PCLO: variants seen among roughly 807,000 people sequenced by gnomAD.
PCLO encodes protein piccolo.
Under a neutral mutation model 427.5 loss-of-function variants are expected in PCLO, and 82 were observed. The observed-to-expected ratio is 0.19, with a 90% CI of 0.16 to 0.23. The LOEUF (loss-of-function observed/expected upper bound fraction) is 0.23, where lower values mean the gene tolerates loss of function less well. PCLO is among the 10% of genes least tolerant of loss of function. The probability of loss-of-function intolerance (pLI) is 1.00; values close to 1 mark genes in which losing one functional copy is unlikely to be tolerated. For missense variants in PCLO, 6,239 were observed against 6,115.9 expected, an observed-to-expected ratio of 1.02 and a Z score of -0.67; for synonymous variants, 2,357 against 2,155.4, an observed-to-expected ratio of 1.09 and a Z score of -2.59.
intron 3 of PCLO, among the ~76,000 whole-genome samples, chr7:82,986,441 G>C (rs963900764): frequency 1.3e-5 from 2 of 151,886 alleles, no homozygotes; most frequent in Admixed American, 6.6e-5. Context: ...CTTAGAGACT[G>C]AACTATATTT....
intron 3 of PCLO, among the ~76,000 whole-genome samples, chr7:83,010,763 T>A (rs943642892): frequency 6.6e-6 from 1 of 151,838 alleles, no homozygotes. Context: ...AATATAATCA[T>A]GTCACTCTCC....
chr7:82,828,873 C>T (rs1428544849), intron 16 of PCLO, among the ~76,000 whole-genome samples: 1 of 152,132 alleles, frequency 6.6e-6, no homozygotes, highest in South Asian at 2.1e-4. Context: ...AATAATACTT[C>T]ATCTGTGGTG....
intron 22 of PCLO, among the ~76,000 whole-genome samples, chr7:82,774,490 T>A (rs1336518754): frequency 6.6e-6 from 1 of 152,236 alleles, no homozygotes; most frequent in Non-Finnish European, 1.5e-5. Context: ...TAGACTAGAT[T>A]CTGCTGCAGC....
chr7:83,114,886 T>C (rs1269156524), intron 3 of PCLO, among the ~76,000 whole-genome samples: 5 of 152,074 alleles, frequency 3.3e-5, no homozygotes, highest in African/African-American at 4.8e-5. Context: ...CAGCTGACAC[T>C]ATTCACTTCT....
Position 82,976,917 on chromosome 7 carries a change from A to T in PCLO, c.3301-10430T>A, listed in dbSNP as rs552862540. On this transcript the variant is annotated intron_variant, in intron 3 of 24. Coordinates refer to ENST00000333891, the MANE Select transcript of PCLO (RefSeq NM_033026.6). Reference sequence around the variant, plus strand: ...TTTTTATCATTTTTGTAGAGATAGGATCTCGCTACGTTGCCTGGTCTCAAA... The same window carrying T: ...TTTTTATCATTTTTGTAGAGATAGGTTCTCGCTACGTTGCCTGGTCTCAAA... Among the ~76,000 whole-genome samples, 8 of 152,256 alleles carry T rather than the reference A, an allele frequency of 5.3e-5. No homozygotes were observed. In the South Asian group the frequency reaches 1.7e-3, roughly 32 times the overall value.
At chr7:83,141,397 G>C (rs949731510) in intron 2 of PCLO, among the ~76,000 whole-genome samples, 1 of 152,216 alleles carries the variant, frequency 6.6e-6, no homozygotes, top group South Asian at 2.1e-4. Context: ...TACAGAAGGT[G>C]CATAAATGAA....
intron 20 of PCLO, among the ~76,000 whole-genome samples, chr7:82,807,216 T>A (rs2129468860): frequency 6.7e-6 from 1 of 150,058 alleles, no homozygotes; most frequent in Non-Finnish European, 1.5e-5. Flanking sequence ...AACAGCTGTT[T>A]CTTACTGTCT....
chr7:83,057,189 T>C (rs931549158), intron 3 of PCLO, among the ~76,000 whole-genome samples: 8 of 147,608 alleles, frequency 5.4e-5, no homozygotes, highest in African/African-American at 2.0e-4. Context: ...GTTCAAGAGA[T>C]TCTTGTGCCT....
In PCLO at chr7:82,956,332, A is replaced by G; in HGVS notation, c.4621T>C (p.Tyr1541His). 1 of 1,612,836 alleles carries G rather than the reference A, an allele frequency of 6.2e-7. No individual in the cohort carries two copies. Among genetic ancestry groups the G allele is most frequent in the Non-Finnish European group, 8.5e-7 (1 of 1,179,682 alleles). Residue 1541 changes from tyrosine (Y) to histidine (H), a missense_variant, in exon 5 of 25, where the codon TAT becomes CAT. Physicochemically the swap from Tyr to His is moderately conservative, Grantham distance 83 (BLOSUM62 2). Around this residue, in one of 5 missense-constraint regions of PCLO, gnomAD observed 4,677 missense variants for 4,468.4 expected, o/e 1.05. Transcript: ENST00000333891. ...GATCCTTGGCTGTCTTCCTGTTTATACTCATCACTGCTTGATGAGCCAACA... is the reference window on the plus strand; with the variant it reads ...GATCCTTGGCTGTCTTCCTGTTTATGCTCATCACTGCTTGATGAGCCAACA... ...TSVGSSSSDE[Y>H]KQEDSQGSGE...
intron 3 of PCLO, among the ~76,000 whole-genome samples, chr7:83,046,787 A>T (rs1789114123): frequency 2.0e-5 from 3 of 151,922 alleles, no homozygotes; most frequent in South Asian, 2.1e-4. Context: ...TGAAAAATCA[A>T]TTTTTTTAAA....
In PCLO at chr7:82,915,069, T is replaced by C. The variant is rs769917247; in HGVS notation, c.12917A>G (p.Lys4306Arg). 6.2e-7 allele frequency: 1 copy of C among 1,610,918 alleles called. No individual in the cohort carries two copies. The change falls in exon 7 of 25, where the codon AAA (lysine) becomes AGA (arginine). Residue 4306 changes from lysine (K) to arginine (R), a missense_variant. Transcript: ENST00000333891. ...SSVYGLDLSI[K>R]RDSSSSSLRL... Reference sequence around the variant, plus strand: ...TAGGGAAGAGCTAGAAGAATCCCTTTTAATTGATAAATCAAGCCCATAGAC... The same window carrying C: ...TAGGGAAGAGCTAGAAGAATCCCTTCTAATTGATAAATCAAGCCCATAGAC...
intron 20 of PCLO, among the ~76,000 whole-genome samples, chr7:82,809,978 C>T (rs1791535370): frequency 6.6e-6 from 1 of 151,364 alleles, no homozygotes; most frequent in Admixed American, 6.6e-5. Flanking sequence ...TTCATAATCA[C>T]AAATATTACA....
rs756599013 is a variant in PCLO at position 82,952,348 on chromosome 7, T to C, written c.8605A>G (p.Thr2869Ala). The C allele has an allele frequency of 1.9e-6, 3 of 1,613,962 alleles. No homozygotes were observed. Among genetic ancestry groups the C allele is most frequent in the East Asian group, 2.2e-5 (1 of 44,880 alleles). The change falls in exon 5 of 25, where the codon ACA (threonine) becomes GCA (alanine). Residue 2869 changes from threonine (T) to alanine (A), a missense_variant. Thr to Ala is a moderately conservative substitution (Grantham distance 58). This residue lies in a region of PCLO where 4,677 missense variants were observed against 4,468.4 expected (regional missense o/e 1.05). Coordinates refer to ENST00000333891, the MANE Select transcript of PCLO (RefSeq NM_033026.6). ...ACAGGAGGCACAGTGACAGGTTTTG[T>C]AATAGCCAATGTCACTGCATGTGCT... ...TPAHAVTLAI[T>A]KPVTVPPVGV...
chr7:82,898,489 ACTGT>A lies in PCLO; in HGVS notation c.13528+4158_13528+4161del, dbSNP rs1793961075. Among the ~76,000 whole-genome samples, 9 of 151,590 alleles carry A rather than the reference ACTGT, an allele frequency of 5.9e-5. No individual in the cohort carries two copies. In the South Asian group the frequency reaches 1.9e-3, roughly 31 times the overall value. On this transcript the variant is annotated intron_variant, in intron 9 of 24. Transcript: ENST00000333891. ...TTTATAAACTATTTATAAAGTTAGAACTGTCTATTAAAATATTATAAAAGATTCA... is the reference window on the plus strand; with the variant it reads ...TTTATAAACTATTTATAAAGTTAGAACTATTAAAATATTATAAAAGATTCA...
intron 2 of PCLO, among the ~76,000 whole-genome samples, chr7:83,152,053 C>T (rs1430252423): frequency 5.5e-4 from 84 of 152,094 alleles, no homozygotes; most frequent in African/African-American, 2.0e-3. Flanking sequence ...CAAGCTCCGC[C>T]TCCCCGGTTC....
chr7:82,784,335 G>A (rs1398577150), intron 22 of PCLO, among the ~76,000 whole-genome samples: 1 of 152,128 alleles, frequency 6.6e-6, no homozygotes, highest in East Asian at 1.9e-4. Context: ...ACTTCTGCTG[G>A]TCAGCCGGGA....
In PCLO at chr7:82,877,236, C is replaced by T. The variant is rs115572314; in HGVS notation, c.13654+2101G>A. On this transcript the variant is annotated intron_variant, in intron 10 of 24. Coordinates refer to ENST00000333891, the MANE Select transcript of PCLO (RefSeq NM_033026.6). ...ATAGAATATACTGCGTTGATATTGT[C>T]TTTAGAATCATGCTGATTTGTAGTA... Among the ~76,000 whole-genome samples, 1,512 of 152,038 alleles carry T rather than the reference C, an allele frequency of 9.9e-3. 24 individuals are homozygous for T. Among genetic ancestry groups the T allele is most frequent in the African/African-American group, 0.034 (1,414 of 41,494 alleles).
At chr7:82,974,455 C>A (rs958417511) in intron 3 of PCLO, among the ~76,000 whole-genome samples, 1 of 152,162 alleles carries the variant, frequency 6.6e-6, no homozygotes, top group East Asian at 1.9e-4. Flanking sequence ...AAAGGCACAG[C>A]TGATTTCTCA....
At chr7:82,923,166 T>C (rs531175263) in intron 6 of PCLO, among the ~76,000 whole-genome samples, 1 of 152,160 alleles carries the variant, frequency 6.6e-6, no homozygotes, top group African/African-American at 2.4e-5. Context: ...AGAGAATGAT[T>C]GATTAAGATA....
Sources: allele counts gnomAD v4.1 joint callset (sites outside exome capture counted in the v4.1 genomes callset), GRCh38; gene constraint gnomAD v4.1.1; regional missense constraint gnomAD v4.1.1; transcripts MANE v1.5; gene names NCBI Gene and HGNC (gene_info 2026-07-23, HGNC 2026-07-21).